Variants in IMPDH1 observed in about 807,000 individuals in gnomAD.
The protein encoded by IMPDH1 is inosine monophosphate dehydrogenase 1, also known as inosine-5'-monophosphate dehydrogenase 1.
A neutral mutation model predicts 73.5 loss-of-function variants in IMPDH1; 41 were observed. The observed-to-expected ratio is 0.56, with a 90% CI of 0.43 to 0.72. IMPDH1 has a LOEUF of 0.72. IMPDH1 is among the 30% of genes least tolerant of loss of function. The probability of loss-of-function intolerance (pLI) is 0.00; values close to 1 mark genes in which losing one functional copy is unlikely to be tolerated. For missense variants in IMPDH1, 645 were observed against 824.8 expected (o/e 0.78, Z 2.67); for synonymous variants, 318 against 334.3 (o/e 0.95, Z 0.53).
rs368272672 is a variant in IMPDH1, at chr7:128,403,039, T to C, written c.402+667A>G. Among the ~76,000 whole-genome samples the C allele has an allele frequency of 3.3e-5, 5 of 152,158 alleles. No individual in the cohort carries two copies. In the East Asian group the frequency reaches 9.6e-4, roughly 29 times the overall value. On this transcript the variant is annotated intron_variant, in intron 5 of 16. Transcript: ENST00000338791. ...CATTCCAGACAAAATCCAATCCTTA[T>C]GGTCTCTACAATAAGGCAGCCACTC...
intron 5 of IMPDH1, among the ~76,000 whole-genome samples, chr7:128,402,057 T>C (rs1798377391): frequency 6.6e-6 from 1 of 151,826 alleles, no homozygotes. Context: ...ACAGCCTTCC[T>C]GACAGAAGCC....
Position 128,400,481 on chromosome 7 carries a change from C to T in IMPDH1, c.638G>A (p.Gly213Asp), listed in dbSNP as rs1562993531. 6.2e-7 allele frequency: 1 copy of T among 1,612,704 alleles called. No homozygotes were observed. Among genetic ancestry groups the T allele is most frequent in the South Asian group, 1.1e-5 (1 of 91,010 alleles). The change falls in exon 8 of 17, where the codon GGC becomes GAC. Residue 213 changes from glycine to aspartate, a missense_variant. Gly to Asp is a moderately conservative substitution (Grantham distance 94). Coordinates refer to ENST00000338791, the MANE Select transcript of IMPDH1 (RefSeq NM_000883.4). Reference sequence around the variant, plus strand: ...CCGCATCTTGGCCTCCAGCACATCGCCCACAGTGTGCGAGGGGCTCAGCAC... The same window carrying T: ...CCGCATCTTGGCCTCCAGCACATCGTCCACAGTGTGCGAGGGGCTCAGCAC... ...PVVLSPSHTV[G>D]DVLEAKMRHG...
At position 128,394,845 on chromosome 7, in the gene IMPDH1, G is replaced by C. The variant is rs199975426; in HGVS notation, c.1550+44C>G. 1 of 1,607,706 alleles carries C rather than the reference G, an allele frequency of 6.2e-7. No individual in the cohort carries two copies. Among genetic ancestry groups the C allele is most frequent in the Non-Finnish European group, 8.5e-7 (1 of 1,178,198 alleles). ...TCGGTGGCATGAGCGGGCCCTGAAGGGTTGTGGGCTGATCTGCCCAGGTGG... is the reference window on the plus strand; with the variant it reads ...TCGGTGGCATGAGCGGGCCCTGAAGCGTTGTGGGCTGATCTGCCCAGGTGG... On this transcript the variant is annotated intron_variant, in intron 14 of 16. Coordinates refer to ENST00000338791, the MANE Select transcript of IMPDH1 (RefSeq NM_000883.4). This position sits in a 1 kb window ranked among gnomAD's most constrained non-coding sequence, Gnocchi z 5.5.
rs776847595 is a variant in IMPDH1 at position 128,398,476 on chromosome 7, G to A, written c.1012C>T (p.Arg338Cys). Residue 338 changes from arginine (R) to cysteine (C), a missense_variant, in exon 10 of 17, where the codon CGT (arginine) becomes TGT (cysteine). By Grantham distance (180) the Arg-to-Cys change is radical (BLOSUM62 -3). This residue lies in a region of IMPDH1 where 459 missense variants were observed against 638.2 expected (regional missense o/e 0.72). Transcript: ENST00000338791. The surrounding 1 kb of genome is among the most constrained non-coding windows in gnomAD (Gnocchi z 4.3). ...QLLCGAAVGT[R>C]EDDKYRLDLL... Reference sequence around the variant, plus strand: ...TCCAGACGGTATTTGTCATCCTCACGGGTGCCCACAGCTGCCCCACAGAGC... The same window carrying A: ...TCCAGACGGTATTTGTCATCCTCACAGGTGCCCACAGCTGCCCCACAGAGC... The A allele has an allele frequency of 2.5e-5, 40 of 1,613,492 alleles. 1 individual carries two copies. Among genetic ancestry groups the A allele is most frequent in the Middle Eastern group, 3.3e-4 (2 of 6,056 alleles).
intron 3 of IMPDH1, among the ~76,000 whole-genome samples, chr7:128,408,471 C>T (rs1213692761): frequency 6.6e-6 from 1 of 151,938 alleles, no homozygotes; most frequent in Admixed American, 6.5e-5. Context: ...TCCAGGTTGG[C>T]GAAGGCAGGT....
Position 128,409,286 on chromosome 7 carries a change from C to T in IMPDH1, c.254+3G>A, listed in dbSNP as rs1468355227. ...CATGGTGAGGAGGGGAGAGTGTCCT[C>T]ACCTAGCCCTGCGAAGGCGATCCAT... On this transcript the variant is annotated splice_donor_region_variant and intron_variant, in intron 3 of 16. Transcript: ENST00000338791. 1 of 1,613,208 alleles carries T rather than the reference C, an allele frequency of 6.2e-7. No individual in the cohort carries two copies. Among genetic ancestry groups the T allele is most frequent in the African/African-American group, 1.3e-5 (1 of 75,040 alleles).
intron 4 of IMPDH1, 21 bp from the exon 5 acceptor site, chr7:128,403,775 G>C: frequency 6.2e-7 from 1 of 1,611,556 alleles, no homozygotes; most frequent in South Asian, 1.1e-5. Context: ...AGAGAAGTGA[G>C]TGTTATTAGT....
chr7:128,403,625 A>G (rs1223930562), intron 5 of IMPDH1, 81 bp downstream of exon 5: 7 of 1,253,862 alleles, frequency 5.6e-6, no homozygotes, highest in Middle Eastern at 1.9e-4. Flanking sequence ...CCATCTCTCC[A>G]TGCCCTGCCC....
intron 3 of IMPDH1, 50 bp from the exon 4 acceptor site, chr7:128,405,915 C>T: frequency 6.9e-7 from 1 of 1,459,658 alleles, no homozygotes; most frequent in Non-Finnish European, 9.1e-7. Context: ...GGCCGCCCGC[C>T]GCTGCCGCCG....
At position 128,400,314 on chromosome 7, in the gene IMPDH1, TC is replaced by T. The variant is rs1308576227; in HGVS notation, c.786+18del. 2 of 1,612,254 alleles carry T rather than the reference TC, an allele frequency of 1.2e-6. No individual in the cohort carries two copies. The highest frequency in any genetic ancestry group is 3.3e-5 in the Admixed American group (2 of 59,824). On this transcript the variant is annotated intron_variant, in intron 8 of 16. Coordinates refer to ENST00000338791, the MANE Select transcript of IMPDH1 (RefSeq NM_000883.4). ...GGTCCTCTCTACACCCAGCCCTGCT[TC>T]CCCTGCCCTGCAGGTACCTCACTGA...
chr7:128,406,025 G>T, intron 3 of IMPDH1, 160 bp from the exon 4 acceptor site: 1 of 316,406 alleles, frequency 3.2e-6, no homozygotes, highest in Non-Finnish European at 4.5e-6. Flanking sequence ...GCGGCAGGGC[G>T]GGCCAGGGCG....
chr7:128,407,493 C>T (rs1252738122), intron 3 of IMPDH1, among the ~76,000 whole-genome samples: 2 of 152,176 alleles, frequency 1.3e-5, no homozygotes, highest in Non-Finnish European at 2.9e-5. Flanking sequence ...CTGAGGAGCA[C>T]CAGCACTAGG....
chr7:128,405,202 T>C (rs1434494462), intron 4 of IMPDH1, among the ~76,000 whole-genome samples: 1 of 152,198 alleles, frequency 6.6e-6, no homozygotes, highest in East Asian at 1.9e-4. Context: ...AAACCCCATG[T>C]AGGGTGGGCT....
Position 128,405,802 on chromosome 7 carries a change from C to A in IMPDH1, c.318G>T (p.Gln106His), listed in dbSNP as rs1211423278. 6.5e-7 allele frequency: 1 copy of A among 1,543,204 alleles called. No homozygotes were observed. The highest frequency in any genetic ancestry group is 8.7e-7 in the Non-Finnish European group (1 of 1,146,002). ...GGCCGTCGGCGCTGGCGAAGAGCTG[C>A]TGCGCGGTGAGCCCATCCTCGGGCA... ...GYVPEDGLTA[Q>H]QLFASADGLT... Residue 106 changes from glutamine (Q) to histidine (H), a missense_variant, in exon 4 of 17, where the codon CAG becomes CAT. Physicochemically the swap from Gln to His is conservative, Grantham distance 24. Around this residue, in one of 2 missense-constraint regions of IMPDH1, gnomAD observed 186 missense variants for 186.6 expected, o/e 1.00. Transcript: ENST00000338791.
intron 16 of IMPDH1, chr7:128,393,789 C>CT: frequency 3.8e-6 from 1 of 260,682 alleles, no homozygotes; most frequent in East Asian, 9.8e-5. Context: ...CCGCTGATAC[C>CT]TGGGGACAGG....
rs1797944224 is a variant in IMPDH1 at position 128,396,733 on chromosome 7, T to C, written c.1166-38A>G. On this transcript the variant is annotated intron_variant, in intron 11 of 16. Coordinates refer to ENST00000338791, the MANE Select transcript of IMPDH1 (RefSeq NM_000883.4). This position sits in a 1 kb window ranked among gnomAD's most constrained non-coding sequence, Gnocchi z 4.0. ...ATGGGGCAGAGGAACAATGTGAGGA[T>C]GGGATGCCCCTGCCTGCCCAACAGC... 1 of 1,506,292 alleles carries C rather than the reference T, an allele frequency of 6.6e-7. No homozygotes were observed. The highest frequency in any genetic ancestry group is 1.4e-5 in the African/African-American group (1 of 72,262). 93.3% of individuals were successfully genotyped at this position (1,506,292 alleles called of 1,614,324 possible). A position where few individuals can be genotyped will look rare whatever the true frequency, so the allele number is the denominator to read the frequency against.
Position 128,403,673 on chromosome 7 carries a change from C to A in IMPDH1, c.402+33G>T, listed in dbSNP as rs766956246. The A allele has an allele frequency of 5.0e-6, 8 of 1,596,140 alleles. No individual in the cohort carries two copies. The African/African-American group carries it at 9.4e-5, about 19-fold the overall frequency. ...TCAGCCTCTTCCACCACATACACAG[C>A]CCCCTCCCCTTGTCAAAGGAAGAGG... On this transcript the variant is annotated intron_variant, in intron 5 of 16. Coordinates refer to ENST00000338791, the MANE Select transcript of IMPDH1 (RefSeq NM_000883.4).
Position 128,409,250 on chromosome 7 carries a change from A to G in IMPDH1, c.254+39T>C, listed in dbSNP as rs1165579144. On this transcript the variant is annotated intron_variant, in intron 3 of 16. Coordinates refer to ENST00000338791, the MANE Select transcript of IMPDH1 (RefSeq NM_000883.4). The stretch of plus-strand genomic sequence containing the variant: ...AGGTGAGCTGCACTGGCAGCCTCTC[A>G]GATCTCAGTGCATGGTGAGGAGGGG... The G allele has an allele frequency of 1.9e-6, 3 of 1,570,238 alleles. No individual in the cohort carries two copies. In the African/African-American group the frequency reaches 4.1e-5, roughly 21 times the overall value.
chr7:128,393,077 G>T (rs758600217), intron 16 of IMPDH1, 49 bp from the exon 17 acceptor site: 8 of 1,603,936 alleles, frequency 5.0e-6, no homozygotes, highest in African/African-American at 1.3e-5. Flanking sequence ...TGTGGACCCT[G>T]CTCCTTCCCA....
Sources: allele counts gnomAD v4.1 joint callset (sites outside exome capture counted in the v4.1 genomes callset), GRCh38; gene constraint gnomAD v4.1.1; regional missense constraint gnomAD v4.1.1; non-coding constraint Gnocchi (gnomAD v3.1); transcripts MANE v1.5; gene names NCBI Gene and HGNC (gene_info 2026-07-23, HGNC 2026-07-21).